ATP8A2: variants seen among roughly 807,000 people sequenced by gnomAD.
The protein encoded by ATP8A2 is phospholipid-transporting ATPase IB.
Under a neutral mutation model 165.6 loss-of-function variants are expected in ATP8A2, and 100 were observed. That is an observed-to-expected ratio of 0.60 (90% confidence interval 0.51 to 0.71). The LOEUF is 0.71. Ranked by LOEUF, ATP8A2 falls within the 30% of genes least tolerant of loss-of-function variation. The pLI, the probability that ATP8A2 is intolerant of heterozygous loss-of-function variation, is 0.00. For synonymous variants in ATP8A2, 543 were observed against 548.8 expected (o/e 0.99, Z 0.15); for missense variants, 1,227 against 1,479.5 (o/e 0.83, Z 2.80).
rs557538122 is a variant in ATP8A2 at position 25,831,257 on chromosome 13, C to T, written c.2754+3065C>T. Among the ~76,000 whole-genome samples, 509 of 150,600 alleles carry T rather than the reference C, an allele frequency of 3.4e-3. 2 individuals carry two copies. Among genetic ancestry groups the T allele is most frequent in the African/African-American group, 0.012 (493 of 40,912 alleles). On this transcript the variant is annotated intron_variant, in intron 28 of 36. Coordinates refer to ENST00000381655, the MANE Select transcript of ATP8A2 (RefSeq NM_016529.6). ...TGAGATGGAGTCTAGCTCTGTTGCCCGGGCTGGAGTGCAGTGGTGCAATCT... is the reference window on the plus strand; with the variant it reads ...TGAGATGGAGTCTAGCTCTGTTGCCTGGGCTGGAGTGCAGTGGTGCAATCT...
In ATP8A2 at chr13:25,533,315, TA is replaced by T; in HGVS notation, c.507+7del. ...TGGCATACCATTATGTGGAAAGAGG[TA>T]AAAACTAATTTTAAAGATGTACCAG... On this transcript the variant is annotated splice_donor_region_variant and intron_variant, in intron 6 of 36. Coordinates refer to ENST00000381655, the MANE Select transcript of ATP8A2 (RefSeq NM_016529.6). The T allele has an allele frequency of 6.7e-7, 1 of 1,489,496 alleles. No individual in the cohort carries two copies. Among genetic ancestry groups the T allele is most frequent in the Non-Finnish European group, 9.3e-7 (1 of 1,071,400 alleles). 92.3% of individuals were successfully genotyped at this position (1,489,496 alleles called of 1,614,324 possible). A position where few individuals can be genotyped will look rare whatever the true frequency, so the allele number is the denominator to read the frequency against.
intron 35 of ATP8A2, among the ~76,000 whole-genome samples, chr13:25,985,754 C>T (rs888681769): frequency 1.3e-5 from 2 of 152,284 alleles, no homozygotes; most frequent in Middle Eastern, 3.4e-3. Flanking sequence ...ACCAATTGAC[C>T]GAAGTTACTG....
intron 35 of ATP8A2, among the ~76,000 whole-genome samples, chr13:25,993,636 G>C (rs922480953): frequency 6.6e-6 from 1 of 152,010 alleles, no homozygotes; most frequent in Non-Finnish European, 1.5e-5. Context: ...TTGCACCTTT[G>C]TCAAAAATCA....
chr13:25,682,026 A>G (rs1271436725), intron 24 of ATP8A2, among the ~76,000 whole-genome samples: 1 of 152,176 alleles, frequency 6.6e-6, no homozygotes, highest in African/African-American at 2.4e-5. Flanking sequence ...CACTGAAGAA[A>G]AACGCGTCAG....
chr13:25,372,824 C>T lies in ATP8A2; in HGVS notation c.76+536C>T, dbSNP rs1302158839. The stretch of plus-strand genomic sequence containing the variant: ...CGCTCACAGCGGCGACGTACTGGCT[C>T]ATAACCATCCGTGCATACAACCATC... On this transcript the variant is annotated intron_variant, in intron 1 of 36. Coordinates refer to ENST00000381655, the MANE Select transcript of ATP8A2 (RefSeq NM_016529.6). The surrounding 1 kb of genome is among the most constrained non-coding windows in gnomAD (Gnocchi z 4.8). Among the ~76,000 whole-genome samples the T allele has an allele frequency of 1.3e-5, 2 of 152,200 alleles. No homozygotes were observed. The highest frequency in any genetic ancestry group is 2.9e-5 in the Non-Finnish European group (2 of 68,034).
At chr13:25,546,514 C>CTT (rs1222212487) in intron 10 of ATP8A2, among the ~76,000 whole-genome samples, 140 of 142,144 alleles carry the variant, frequency 9.8e-4, no homozygotes, top group Middle Eastern at 3.8e-3. Context: ...GTTCTTCTAC[C>CTT]TTTTTTTTTT....
At chr13:25,712,856 G>C (rs2043183428) in intron 25 of ATP8A2, among the ~76,000 whole-genome samples, 1 of 152,094 alleles carries the variant, frequency 6.6e-6, no homozygotes, top group South Asian at 2.1e-4. Context: ...GTAGCCTTAA[G>C]AATATTTCCT....
intron 6 of ATP8A2, among the ~76,000 whole-genome samples, chr13:25,533,703 G>A (rs569309395): frequency 1.3e-5 from 2 of 152,280 alleles, no homozygotes; most frequent in African/African-American, 4.8e-5. Context: ...TGGAAAGGGG[G>A]CAAGAAACCA....
chr13:25,706,725 G>C (rs2043061684), intron 25 of ATP8A2, among the ~76,000 whole-genome samples: 1 of 152,148 alleles, frequency 6.6e-6, no homozygotes, highest in East Asian at 1.9e-4. Context: ...TTATAAGCCA[G>C]CTTCCTACTT....
intron 1 of ATP8A2, among the ~76,000 whole-genome samples, chr13:25,396,580 A>G (rs985168893): frequency 5.3e-5 from 8 of 152,232 alleles, no homozygotes; most frequent in Admixed American, 4.6e-4. Context: ...CTCTAGGAAC[A>G]TGGCCTAATT....
chr13:25,784,046 A>C (rs888836181), intron 27 of ATP8A2, among the ~76,000 whole-genome samples: 2 of 152,172 alleles, frequency 1.3e-5, no homozygotes, highest in African/African-American at 4.8e-5. Context: ...AATCACTTTG[A>C]ACTTTATAAA....
intron 33 of ATP8A2, among the ~76,000 whole-genome samples, chr13:25,911,492 T>C (rs1422836332): frequency 6.6e-6 from 1 of 152,114 alleles, no homozygotes; most frequent in Non-Finnish European, 1.5e-5. Context: ...AATTTGAGCT[T>C]AACAGGGGGA....
intron 24 of ATP8A2, among the ~76,000 whole-genome samples, chr13:25,590,813 A>G (rs1349825335): frequency 1.3e-5 from 2 of 152,160 alleles, no homozygotes; most frequent in Non-Finnish European, 2.9e-5. Flanking sequence ...TCCTATCGTG[A>G]ACACCAGGAT....
intron 33 of ATP8A2, among the ~76,000 whole-genome samples, chr13:25,935,108 G>T (rs896214058): frequency 6.6e-6 from 1 of 152,192 alleles, no homozygotes; most frequent in Non-Finnish European, 1.5e-5. Flanking sequence ...ATGACACTCT[G>T]TTTTACAAAT....
rs57755000 is a variant in ATP8A2 at position 25,510,174 on chromosome 13, A to AACACACAC, written c.222-19785_222-19778dup. The stretch of plus-strand genomic sequence containing the variant: ...CCTTTGTCTGTTCCCGTCTGTCTGT[A>AACACACAC]ACACACACACACACACACACACACA... On this transcript the variant is annotated intron_variant, in intron 2 of 36. Coordinates refer to ENST00000381655, the MANE Select transcript of ATP8A2 (RefSeq NM_016529.6). Among the ~76,000 whole-genome samples the AACACACAC allele has an allele frequency of 3.1e-3, 403 of 128,578 alleles. 1 individual carries two copies. The highest frequency in any genetic ancestry group is 0.011 in the South Asian group (40 of 3,758). The allele number at this position is 128,578 out of a possible 152,430, so 84.4% of individuals were successfully genotyped here. A position where few individuals can be genotyped will look rare whatever the true frequency, so the allele number is the denominator to read the frequency against.
intron 24 of ATP8A2, among the ~76,000 whole-genome samples, chr13:25,671,742 A>G (rs1003201117): frequency 3.3e-4 from 50 of 152,338 alleles, no homozygotes; most frequent in African/African-American, 1.1e-3. Flanking sequence ...CCAAAACTTC[A>G]TTAGCAATTT....
chr13:25,829,422 C>T (rs950424411), intron 28 of ATP8A2, among the ~76,000 whole-genome samples: 6 of 151,860 alleles, frequency 4.0e-5, no homozygotes, highest in African/African-American at 1.5e-4. Flanking sequence ...TCCAGGGCCT[C>T]CCCTTTGTGT....
intron 33 of ATP8A2, among the ~76,000 whole-genome samples, chr13:25,906,458 G>GCC: frequency 6.6e-6 from 1 of 152,016 alleles, no homozygotes; most frequent in South Asian, 2.1e-4. Context: ...TCCACAGCAT[G>GCC]CCCCACCTTA....
intron 25 of ATP8A2, among the ~76,000 whole-genome samples, chr13:25,761,810 G>C (rs938529194): frequency 5.3e-5 from 8 of 151,858 alleles, no homozygotes; most frequent in Admixed American, 5.3e-4. Context: ...CCTTCAAAGT[G>C]CTTTTGTGAG....
Sources: allele counts gnomAD v4.1 joint callset (sites outside exome capture counted in the v4.1 genomes callset), GRCh38; gene constraint gnomAD v4.1.1; non-coding constraint Gnocchi (gnomAD v3.1); transcripts MANE v1.5; gene names NCBI Gene and HGNC (gene_info 2026-07-23, HGNC 2026-07-21).